Variants in TAFA5 observed in about 807,000 individuals in gnomAD.
TAFA5 encodes the protein TAFA chemokine like family member 5.
Under a neutral mutation model 15.3 loss-of-function variants are expected in TAFA5, and 6 were observed. The ratio of observed to expected loss-of-function variants is 0.39; its 90% CI spans 0.21 to 0.77. The LOEUF is 0.77. Among genes scored for constraint, TAFA5 ranks in the 30% least tolerant of loss-of-function variants. The pLI, the probability that TAFA5 is intolerant of heterozygous loss-of-function variation, is 0.41. For synonymous variants in TAFA5, 103 were observed against 80.7 expected (o/e 1.28, Z -1.48); for missense variants, 161 against 193.1 (o/e 0.83, Z 0.98).
chr22:48,522,935 C>T (rs767239342), intron 1 of TAFA5, among the ~76,000 whole-genome samples: 4 of 152,216 alleles, frequency 2.6e-5, no homozygotes, highest in Non-Finnish European at 5.9e-5. Flanking sequence ...CTGCTGAGCA[C>T]AGGGCAAGAC....
At chr22:48,531,107 G>A (rs975980683) in intron 1 of TAFA5, among the ~76,000 whole-genome samples, 2 of 150,468 alleles carry the variant, frequency 1.3e-5, no homozygotes, top group Non-Finnish European at 3.0e-5. Flanking sequence ...ACTGCCTGCC[G>A]ACGTGGCTGG....
At chr22:48,650,062 C>G (rs1380754008) in intron 2 of TAFA5, among the ~76,000 whole-genome samples, 2 of 152,198 alleles carry the variant, frequency 1.3e-5, no homozygotes, top group Admixed American at 1.3e-4. Flanking sequence ...ATTTTCCAGG[C>G]TGCCATCTAA....
At chr22:48,725,302 A>T (rs1356308908) in intron 3 of TAFA5, among the ~76,000 whole-genome samples, 1 of 150,176 alleles carries the variant, frequency 6.7e-6, no homozygotes, top group Non-Finnish European at 1.5e-5. Context: ...TTAAAAGGGC[A>T]TTTTTTTTTT....
chr22:48,593,575 C>T (rs966231053), intron 1 of TAFA5, among the ~76,000 whole-genome samples: 1 of 152,126 alleles, frequency 6.6e-6, no homozygotes, highest in Non-Finnish European at 1.5e-5. Context: ...AGAGAAACAT[C>T]CCCTTGGCCC....
chr22:48,591,531 G>A (rs554867199), intron 1 of TAFA5, among the ~76,000 whole-genome samples: 4 of 152,366 alleles, frequency 2.6e-5, no homozygotes, highest in African/African-American at 9.6e-5. Flanking sequence ...CTGAGGCCTC[G>A]CATTGGACAG....
intron 3 of TAFA5, among the ~76,000 whole-genome samples, chr22:48,719,194 G>T (rs1421087456): frequency 6.6e-6 from 1 of 152,184 alleles, no homozygotes; most frequent in Non-Finnish European, 1.5e-5. Flanking sequence ...GCTTCCCAAG[G>T]CCGGCTCACC....
intron 1 of TAFA5, among the ~76,000 whole-genome samples, chr22:48,523,107 C>T (rs149580996): frequency 1.8e-4 from 27 of 152,286 alleles, no homozygotes; most frequent in Non-Finnish European, 2.9e-4. Flanking sequence ...CACTGGTGCC[C>T]GTGTCAAGGC....
chr22:48,649,631 G>A (rs1179693503), intron 2 of TAFA5, among the ~76,000 whole-genome samples: 1 of 152,176 alleles, frequency 6.6e-6, no homozygotes, highest in Non-Finnish European at 1.5e-5. Context: ...AGCTGGGGCA[G>A]AGGCGTGGCG....
intron 1 of TAFA5, among the ~76,000 whole-genome samples, chr22:48,575,577 C>T (rs932986601): frequency 1.2e-4 from 18 of 146,184 alleles, no homozygotes; most frequent in South Asian, 2.1e-4. Flanking sequence ...GCGTCGCCGG[C>T]CCCACCTGTA....
At chr22:48,731,457 G>A (rs946850630) in intron 3 of TAFA5, among the ~76,000 whole-genome samples, 1 of 152,254 alleles carries the variant, frequency 6.6e-6, no homozygotes, top group African/African-American at 2.4e-5. Flanking sequence ...TCCCACTAGA[G>A]AGAAGTCAGT....
At chr22:48,712,642 T>C (rs132246) in intron 3 of TAFA5, among the ~76,000 whole-genome samples, 108,382 of 152,096 alleles carry the variant, frequency 0.71, 38,796 homozygotes, top group Admixed American at 0.76. Flanking sequence ...GCTGCCTCTC[T>C]GCTGGCTCTA....
intron 1 of TAFA5, among the ~76,000 whole-genome samples, chr22:48,632,086 C>T (rs537202376): frequency 2.6e-5 from 4 of 152,348 alleles, no homozygotes; most frequent in African/African-American, 7.2e-5. Flanking sequence ...CTAGGCCGGA[C>T]GTGGTCTTCC....
intron 1 of TAFA5, among the ~76,000 whole-genome samples, chr22:48,646,311 A>T (rs1440593908): frequency 6.6e-6 from 1 of 152,172 alleles, no homozygotes; most frequent in Non-Finnish European, 1.5e-5. Context: ...GGGCGTGATA[A>T]AGATGGGGCT....
At chr22:48,507,823 C>G (rs900509659) in intron 1 of TAFA5, among the ~76,000 whole-genome samples, 2 of 152,168 alleles carry the variant, frequency 1.3e-5, no homozygotes, top group Admixed American at 6.5e-5. Flanking sequence ...GCCCCCTCCC[C>G]AAGGCCAGCG....
At chr22:48,658,820 C>A (rs1385483732) in intron 2 of TAFA5, among the ~76,000 whole-genome samples, 6 of 152,220 alleles carry the variant, frequency 3.9e-5, no homozygotes, top group African/African-American at 1.4e-4. Context: ...CACAGTGTGG[C>A]CTCTTGGGCT....
chr22:48,521,942 G>T (rs953634611), intron 1 of TAFA5, among the ~76,000 whole-genome samples: 1 of 152,142 alleles, frequency 6.6e-6, no homozygotes, highest in Non-Finnish European at 1.5e-5. Context: ...TCGGGGAGGG[G>T]CTTAGACGAC....
At chr22:48,584,781 C>A (rs529150765) in intron 1 of TAFA5, among the ~76,000 whole-genome samples, 5 of 150,910 alleles carry the variant, frequency 3.3e-5, no homozygotes, top group African/African-American at 4.9e-5. Context: ...ACATCACACA[C>A]GCTACATGCC....
At chr22:48,651,892 G>C (rs534216700) in intron 2 of TAFA5, among the ~76,000 whole-genome samples, 52 of 152,248 alleles carry the variant, frequency 3.4e-4, no homozygotes, top group Admixed American at 3.4e-3. Context: ...TGTGGGGATG[G>C]GGACCACACT....
At chr22:48,733,763 C>T (rs130215) in intron 3 of TAFA5, among the ~76,000 whole-genome samples, 47,241 of 151,888 alleles carry the variant, frequency 0.31, 8,581 homozygotes, top group Non-Finnish European at 0.42. Flanking sequence ...CCCATCCGTT[C>T]GTGTGTTCAT....
Sources: gnomAD v4.1 joint callset for allele counts (sites outside exome capture counted in the v4.1 genomes callset) on GRCh38, gnomAD v4.1.1 for gene constraint, MANE v1.5 for transcripts, NCBI Gene and HGNC (gene_info 2026-07-23, HGNC 2026-07-21) for gene names.